The following PCDHA2 variants were observed in gnomAD, a reference collection of about 807,000 sequenced individuals.
PCDHA2 encodes protocadherin alpha-2.
Under a neutral mutation model 66.0 loss-of-function variants are expected in PCDHA2, and 58 were observed. That is an observed-to-expected ratio of 0.88 (90% CI 0.71 to 1.09). The LOEUF (loss-of-function observed/expected upper bound fraction) is 1.09, where lower values mean the gene tolerates loss of function less well. PCDHA2 is among the 50% of genes least tolerant of loss of function. PCDHA2 has a pLI of 0.00. For missense variants in PCDHA2, 1,267 were observed against 1,242.3 expected (o/e 1.02, Z -0.30); for synonymous variants, 634 against 554.0 (o/e 1.14, Z -2.03).
chr5:140,861,130 A>C (rs1554154191), intron 1 of PCDHA2: 1 of 153,606 alleles, frequency 6.5e-6, no homozygotes, highest in Non-Finnish European at 1.4e-5. Flanking sequence ...CATTAAGACC[A>C]CTTGGAACCT....
chr5:141,008,766 A>G (rs2098390228), intron 3 of PCDHA2, among the ~76,000 whole-genome samples: 1 of 152,246 alleles, frequency 6.6e-6, no homozygotes, highest in Non-Finnish European at 1.5e-5. Context: ...TTTGGCTTGG[A>G]AAGTAAAATT....
intron 3 of PCDHA2, among the ~76,000 whole-genome samples, chr5:140,986,030 C>T (rs1190318789): frequency 2.6e-5 from 4 of 152,174 alleles, no homozygotes; most frequent in Non-Finnish European, 2.9e-5. Flanking sequence ...TGAGCCACTG[C>T]GCCTGGCCTC....
chr5:140,891,230 T>G (rs1192105465), intron 1 of PCDHA2, among the ~76,000 whole-genome samples: 1 of 152,232 alleles, frequency 6.6e-6, no homozygotes, highest in Non-Finnish European at 1.5e-5. Flanking sequence ...AATCATCCTG[T>G]TCTGGATTCA....
intron 1 of PCDHA2, chr5:140,883,418 C>T: frequency 6.2e-7 from 1 of 1,614,172 alleles, no homozygotes; most frequent in Non-Finnish European, 8.5e-7. Flanking sequence ...CTCAAATGGA[C>T]AGGTCACCTG....
chr5:140,834,258 C>T, intron 1 of PCDHA2: 2 of 940,106 alleles, frequency 2.1e-6, no homozygotes, highest in Non-Finnish European at 3.2e-6. Context: ...AAAGACGCTC[C>T]ACTCTCTTTC....
At chr5:140,831,283 T>A (rs1771463407) in intron 1 of PCDHA2, 3 of 152,224 alleles carry the variant, frequency 2.0e-5, no homozygotes, top group Admixed American at 1.3e-4. Flanking sequence ...GGTCTTCTCT[T>A]CATGGAGTCT....
At chr5:140,870,900 C>T in intron 1 of PCDHA2, 1 of 1,613,956 alleles carries the variant, frequency 6.2e-7, no homozygotes, top group Non-Finnish European at 8.5e-7. Flanking sequence ...TGGATGCGGA[C>T]TCAGGCTACA....
intron 1 of PCDHA2, among the ~76,000 whole-genome samples, chr5:140,832,961 A>G (rs1772233223): frequency 6.6e-6 from 1 of 152,194 alleles, no homozygotes; most frequent in African/African-American, 2.4e-5. Context: ...TATACAGAAA[A>G]TTCCAAATGT....
chr5:140,859,790 A>C (rs1023981970), intron 1 of PCDHA2: 1 of 152,502 alleles, frequency 6.6e-6, no homozygotes, highest in Non-Finnish European at 1.5e-5. Context: ...AGCTCTTAGA[A>C]ATTATAGATG....
chr5:140,853,333 G>A (rs905529637), intron 1 of PCDHA2: 2 of 983,832 alleles, frequency 2.0e-6, no homozygotes, highest in Middle Eastern at 5.3e-4. Context: ...ATCTTTTGAG[G>A]TCATTAGCAA....
chr5:140,841,919 T>G, intron 1 of PCDHA2: 3 of 1,613,892 alleles, frequency 1.9e-6, no homozygotes, highest in Non-Finnish European at 2.5e-6. Flanking sequence ...AAGAAAATCC[T>G]TGGACAGAGA....
intron 1 of PCDHA2, chr5:140,835,994 G>A: frequency 1.9e-6 from 3 of 1,613,352 alleles, no homozygotes; most frequent in South Asian, 1.1e-5. Context: ...AGGTGAGCGC[G>A]CGCGATGCGG....
chr5:140,971,509 A>C (rs1369392741), intron 1 of PCDHA2, among the ~76,000 whole-genome samples: 4 of 152,112 alleles, frequency 2.6e-5, no homozygotes, highest in Admixed American at 2.0e-4. Flanking sequence ...ATAGGAGCAA[A>C]AGCCACTCAG....
chr5:140,831,992 C>T (rs2150198837), intron 1 of PCDHA2, among the ~76,000 whole-genome samples: 4 of 152,222 alleles, frequency 2.6e-5, no homozygotes, highest in African/African-American at 7.2e-5. Flanking sequence ...ATTACGGATT[C>T]CATATTGTTT....
intron 1 of PCDHA2, among the ~76,000 whole-genome samples, chr5:140,840,143 C>A (rs1776577709): frequency 2.6e-5 from 4 of 151,842 alleles, no homozygotes; most frequent in Admixed American, 2.6e-4. Flanking sequence ...GAAATTATCA[C>A]ACGTGAAAGG....
At chr5:140,875,264 C>T (rs1017689371) in intron 1 of PCDHA2, 10 of 1,189,206 alleles carry the variant, frequency 8.4e-6, no homozygotes, top group Non-Finnish European at 1.0e-5. Flanking sequence ...TGATGTCGCT[C>T]TACACTCAGA....
chr5:140,835,857 T>C (rs2150246774), intron 1 of PCDHA2: 3 of 1,612,210 alleles, frequency 1.9e-6, no homozygotes, highest in Non-Finnish European at 8.5e-7. Flanking sequence ...GCTGGTGTCC[T>C]ACTCGCTGGT....
Position 140,850,862 on chromosome 5 carries a change from C to G in PCDHA2, c.2388+53510C>G, listed in dbSNP as rs2150500833. 5.6e-6 allele frequency: 9 copies of G among 1,592,960 alleles called. 1 individual carries two copies. In the South Asian group the frequency reaches 1.0e-4, roughly 18 times the overall value. Reference sequence around the variant, plus strand: ...GATCTACAGAGCGAACGGGAGAACCCTCTGCTTCCTCAGATTCAACTGGGA... The same window carrying G: ...GATCTACAGAGCGAACGGGAGAACCGTCTGCTTCCTCAGATTCAACTGGGA... On this transcript the variant is annotated intron_variant, in intron 1 of 3. Transcript: ENST00000526136.
intron 1 of PCDHA2, among the ~76,000 whole-genome samples, chr5:140,885,376 G>T (rs1242393742): frequency 6.6e-6 from 1 of 152,032 alleles, no homozygotes; most frequent in Non-Finnish European, 1.5e-5. Context: ...AGTACCTTTT[G>T]GCAGTCCCTG....
Sources: allele counts gnomAD v4.1 joint callset (sites outside exome capture counted in the v4.1 genomes callset), GRCh38; gene constraint gnomAD v4.1.1; transcripts MANE v1.5; gene names NCBI Gene and HGNC (gene_info 2026-07-23, HGNC 2026-07-21).